B3GALT1: variants seen among roughly 807,000 people sequenced by gnomAD.
B3GALT1 encodes UDP-Gal:betaGlcNAc beta 1,3-galactosyltransferase, polypeptide 1.
In B3GALT1, 10 loss-of-function variants were observed where a neutral mutation model predicts 23.2. The ratio of observed to expected loss-of-function variants is 0.43; its 90% CI spans 0.27 to 0.73. The LOEUF is 0.73. Ranked by LOEUF, B3GALT1 falls within the 30% of genes least tolerant of loss-of-function variation. The pLI, the probability that B3GALT1 is intolerant of heterozygous loss-of-function variation, is 0.21. For missense variants in B3GALT1, 299 were observed against 405.4 expected (o/e 0.74, Z 2.25); for synonymous variants, 156 against 141.5 (o/e 1.10, Z -0.73).
intron 1 of B3GALT1, among the ~76,000 whole-genome samples, chr2:167,409,994 A>G (rs577558818): frequency 6.8e-4 from 103 of 152,316 alleles, no homozygotes; most frequent in African/African-American, 2.2e-3. Context: ...TTATTGCAGC[A>G]CTATTTACAA....
At chr2:167,401,161 T>G (rs1698183237) in intron 1 of B3GALT1, among the ~76,000 whole-genome samples, 1 of 152,090 alleles carries the variant, frequency 6.6e-6, no homozygotes, top group Admixed American at 6.6e-5. Flanking sequence ...TCACTTTAAA[T>G]TACCAGAGAG....
At chr2:167,663,070 T>C (rs1298228741) in intron 3 of B3GALT1, among the ~76,000 whole-genome samples, 1 of 151,304 alleles carries the variant, frequency 6.6e-6, no homozygotes, top group East Asian at 1.9e-4. Flanking sequence ...TAACTCATCA[T>C]CTAGCATTAC....
At chr2:167,468,376 G>A (rs996282984) in intron 1 of B3GALT1, among the ~76,000 whole-genome samples, 1 of 152,038 alleles carries the variant, frequency 6.6e-6, no homozygotes, top group Non-Finnish European at 1.5e-5. Context: ...TAATGATCAA[G>A]TTGGGTTTAT....
At chr2:167,863,440 A>T (rs1690145199) in intron 4 of B3GALT1, among the ~76,000 whole-genome samples, 1 of 152,212 alleles carries the variant, frequency 6.6e-6, no homozygotes, top group Admixed American at 6.5e-5. Context: ...GGAAGCTCAG[A>T]TGATTTGGCA....
chr2:167,430,804 A>G lies in B3GALT1; in HGVS notation c.-510-59373A>G, dbSNP rs1055093500. ...CATCATTATTATCAGTAGTAGTGCT[A>G]TTTTCTTCAGAGCAAAAGTGATGGC... On this transcript the variant is annotated intron_variant, in intron 1 of 4. Coordinates refer to ENST00000392690, the MANE Select transcript of B3GALT1 (RefSeq NM_020981.4). 3.3e-5 allele frequency among the ~76,000 whole-genome samples: 5 copies of G among 152,262 alleles called. 2 individuals carry two copies. In the South Asian group the frequency reaches 1.0e-3, roughly 32 times the overall value.
intron 1 of B3GALT1, among the ~76,000 whole-genome samples, chr2:167,448,082 CAT>C (rs145027189): frequency 0.026 from 4,010 of 152,254 alleles, 169 homozygotes; most frequent in African/African-American, 0.085. Context: ...CTACTATAAA[CAT>C]GTGTGTGGAA....
chr2:167,750,097 A>C (rs1299533308), intron 3 of B3GALT1, among the ~76,000 whole-genome samples: 4 of 152,240 alleles, frequency 2.6e-5, no homozygotes, highest in African/African-American at 9.6e-5. Flanking sequence ...ATTAACTGTC[A>C]GCACATCCAT....
At chr2:167,483,332 C>A (rs1699585729) in intron 1 of B3GALT1, among the ~76,000 whole-genome samples, 1 of 151,992 alleles carries the variant, frequency 6.6e-6, no homozygotes, top group Admixed American at 6.6e-5. Flanking sequence ...CTTCTTGAGG[C>A]CAAAACAATA....
At chr2:167,374,401 A>G (rs1162475948) in intron 1 of B3GALT1, among the ~76,000 whole-genome samples, 3 of 152,204 alleles carry the variant, frequency 2.0e-5, no homozygotes, top group Admixed American at 6.5e-5. Context: ...GCTGGGTTGA[A>G]TAGTAGTTCT....
In B3GALT1 at chr2:167,821,591, T is replaced by C. The variant is rs534819882; in HGVS notation, c.-230+2798T>C. Among the ~76,000 whole-genome samples the C allele has an allele frequency of 2.0e-5, 3 of 152,116 alleles. No individual in the cohort carries two copies. In the South Asian group the frequency reaches 6.2e-4, roughly 32 times the overall value. On this transcript the variant is annotated intron_variant, in intron 4 of 4. Transcript: ENST00000392690. ...CTGGAATTACAGGCATGTGCCACCATGCCTGGCTAATTTTTATATTTTTAG... is the reference window on the plus strand; with the variant it reads ...CTGGAATTACAGGCATGTGCCACCACGCCTGGCTAATTTTTATATTTTTAG...
intron 1 of B3GALT1, among the ~76,000 whole-genome samples, chr2:167,408,069 CACAG>C (rs1329951790): frequency 7.3e-4 from 54 of 73,480 alleles, no homozygotes; most frequent in African/African-American, 2.2e-3. Flanking sequence ...CACACACACA[CACAG>C]ACACACAAAA....
At chr2:167,573,810 T>A (rs1448486330) in intron 2 of B3GALT1, among the ~76,000 whole-genome samples, 3 of 151,566 alleles carry the variant, frequency 2.0e-5, no homozygotes, top group Non-Finnish European at 3.0e-5. Context: ...AATTGGCTTA[T>A]GGGGGGCAGT....
chr2:167,801,328 A>G (rs999761095), intron 3 of B3GALT1, among the ~76,000 whole-genome samples: 3 of 152,124 alleles, frequency 2.0e-5, no homozygotes, highest in South Asian at 4.1e-4. Flanking sequence ...GAGATGGAAG[A>G]AAAAAAATGT....
At chr2:167,866,698 C>T (rs930546650) in intron 4 of B3GALT1, among the ~76,000 whole-genome samples, 5 of 152,202 alleles carry the variant, frequency 3.3e-5, no homozygotes, top group Non-Finnish European at 7.3e-5. Flanking sequence ...ACAGGAGCCT[C>T]TTCCAGGAGA....
intron 1 of B3GALT1, among the ~76,000 whole-genome samples, chr2:167,381,442 T>C (rs1273744710): frequency 6.6e-6 from 1 of 152,224 alleles, no homozygotes; most frequent in African/African-American, 2.4e-5. Context: ...ATTTTCAATC[T>C]TGGTTGCATG....
chr2:167,365,656 CAG>C (rs1044032461), intron 1 of B3GALT1, among the ~76,000 whole-genome samples: 34 of 151,410 alleles, frequency 2.2e-4, no homozygotes, highest in East Asian at 5.8e-4. Context: ...GCCAAATTCT[CAG>C]GGGGAAAAAA....
intron 1 of B3GALT1, among the ~76,000 whole-genome samples, chr2:167,408,341 C>A (rs1698340924): frequency 6.6e-6 from 1 of 152,044 alleles, no homozygotes; most frequent in African/African-American, 2.4e-5. Context: ...AAAGCCTCAT[C>A]AAAATGGGTA....
chr2:167,350,233 A>C (rs1697288758), intron 1 of B3GALT1, among the ~76,000 whole-genome samples: 1 of 152,186 alleles, frequency 6.6e-6, no homozygotes, highest in Non-Finnish European at 1.5e-5. Context: ...AAATTTTGTA[A>C]ATCTCCTTGA....
At chr2:167,754,939 T>C (rs1330407820) in intron 3 of B3GALT1, among the ~76,000 whole-genome samples, 2 of 152,212 alleles carry the variant, frequency 1.3e-5, no homozygotes, top group Non-Finnish European at 2.9e-5. Flanking sequence ...CCAGATGTTT[T>C]GGCTTTGTGT....
Sources: allele counts gnomAD v4.1 joint callset (sites outside exome capture counted in the v4.1 genomes callset), GRCh38; gene constraint gnomAD v4.1.1; transcripts MANE v1.5; gene names NCBI Gene and HGNC (gene_info 2026-07-23, HGNC 2026-07-21).